Variants in AASS observed in about 807,000 individuals in gnomAD.
AASS encodes alpha-aminoadipic semialdehyde synthase, mitochondrial.
Under a neutral mutation model 105.4 loss-of-function variants are expected in AASS, and 86 were observed. The observed-to-expected ratio is 0.82, with a 90% CI of 0.69 to 0.98. The LOEUF is 0.98. Among genes scored for constraint, AASS ranks in the 50% least tolerant of loss-of-function variants. The probability of loss-of-function intolerance (pLI) is 0.00; values close to 1 mark genes in which losing one functional copy is unlikely to be tolerated. For missense variants in AASS, 1,048 were observed against 1,143.2 expected, an observed-to-expected ratio of 0.92 and a Z score of 1.20; for synonymous variants, 381 against 394.8, an observed-to-expected ratio of 0.96 and a Z score of 0.41.
At chr7:122,082,699 G>A in intron 19 of AASS, 1 of 658,674 alleles carries the variant, frequency 1.5e-6, no homozygotes, top group Non-Finnish European at 2.3e-6. Context: ...CGTCACCACT[G>A]ACGACTAAAC....
chr7:122,091,611 C>A, intron 18 of AASS, 92 bp downstream of exon 18: 1 of 1,586,278 alleles, frequency 6.3e-7, no homozygotes, highest in South Asian at 1.1e-5. Flanking sequence ...GCAGCATCAC[C>A]ATTATTAAAG....
intron 15 of AASS, among the ~76,000 whole-genome samples, chr7:122,095,233 A>G (rs1794094280): frequency 6.6e-6 from 1 of 152,146 alleles, no homozygotes; most frequent in South Asian, 2.1e-4. Flanking sequence ...ATGGCTAAAA[A>G]TCCACATGGT....
chr7:122,093,027 T>A, intron 16 of AASS, 21 bp downstream of exon 16: 2 of 1,611,998 alleles, frequency 1.2e-6, no homozygotes, highest in Non-Finnish European at 1.7e-6. Context: ...ACTCAGTTTG[T>A]TTAAAATGAT....
At chr7:122,085,976 C>T (rs377653883) in intron 19 of AASS, 36 bp downstream of exon 19, 2 of 1,612,138 alleles carry the variant, frequency 1.2e-6, no homozygotes, top group African/African-American at 1.3e-5. Flanking sequence ...TACATCACAA[C>T]TGGCAACATG....
chr7:122,110,654 T>C (rs1485107015), intron 11 of AASS, among the ~76,000 whole-genome samples: 8 of 151,830 alleles, frequency 5.3e-5, no homozygotes, highest in Admixed American at 3.9e-4. Context: ...TATCCAAACC[T>C]GACAAAGACC....
In AASS at chr7:122,098,806, G is replaced by T; in HGVS notation, c.1467C>A (p.Gly489=). 1.9e-6 allele frequency: 3 copies of T among 1,581,794 alleles called. No individual in the cohort carries two copies. Among genetic ancestry groups the T allele is most frequent in the Non-Finnish European group, 2.6e-6 (3 of 1,165,056 alleles). Residue 489 remains glycine, a synonymous_variant, in exon 14 of 24, where the codon GGC becomes GGA. Transcript: ENST00000417368. ...TRRKVLVLGS[G]YISEPVLEYL... is the part of the protein sequence containing the mutation. ...ATTCTAATACAGGCTCAGATATGTA[G>T]CCAGATCCAAGAACCAAAACCTTTC... is the stretch of plus-strand genomic sequence containing the variant.
chr7:122,121,216 T>C (rs1795427927), intron 4 of AASS, among the ~76,000 whole-genome samples: 2 of 152,156 alleles, frequency 1.3e-5, no homozygotes, highest in Admixed American at 6.5e-5. Context: ...TATCTTATTA[T>C]AGTCAACTAT....
intron 13 of AASS, among the ~76,000 whole-genome samples, chr7:122,099,645 TC>T (rs1794333448): frequency 6.6e-6 from 1 of 151,902 alleles, no homozygotes; most frequent in Non-Finnish European, 1.5e-5. Context: ...TGAATCAAAT[TC>T]CCTGTTATCA....
At position 122,099,860 on chromosome 7, in the gene AASS, C is replaced by T. The variant is rs149555960; in HGVS notation, c.1407-994G>A. On this transcript the variant is annotated intron_variant, in intron 13 of 23. Coordinates refer to ENST00000417368, the MANE Select transcript of AASS (RefSeq NM_005763.4). ...ACTGATGTGAAGAGGTCTCATTTAACTACTACCATCTCCCATTTCACCTTC... is the reference window on the plus strand; with the variant it reads ...ACTGATGTGAAGAGGTCTCATTTAATTACTACCATCTCCCATTTCACCTTC... 3.9e-5 allele frequency among the ~76,000 whole-genome samples: 6 copies of T among 152,000 alleles called. No homozygotes were observed. In the East Asian group the frequency reaches 7.7e-4, roughly 20 times the overall value.
intron 11 of AASS, among the ~76,000 whole-genome samples, chr7:122,105,658 T>C (rs1355747782): frequency 6.6e-6 from 1 of 151,838 alleles, no homozygotes; most frequent in East Asian, 1.9e-4. Flanking sequence ...AAAAGGGAAA[T>C]TTAAAAATTT....
At chr7:122,135,960 T>C (rs985761204) in intron 1 of AASS, among the ~76,000 whole-genome samples, 5 of 152,312 alleles carry the variant, frequency 3.3e-5, no homozygotes, top group African/African-American at 9.6e-5. Context: ...CCAACTTCAA[T>C]TGGATTCTAT....
Position 122,091,733 on chromosome 7 carries a change from C to T in AASS, c.1986G>A (p.Met662Ile), listed in dbSNP as rs147035878. The T allele has an allele frequency of 6.2e-7, 1 of 1,604,072 alleles. No homozygotes were observed. The highest frequency in any genetic ancestry group is 8.5e-7 in the Non-Finnish European group (1 of 1,173,994). ...CATCGAGCAGATAGGTGGCAGACTG[C>T]ATTACATTCATCAAAACTCCCACTG... ...WSPVGVLMNV[M>I]QSATYLLDGK... Residue 662 changes from methionine (M) to isoleucine (I), a missense_variant, in exon 18 of 24, where the codon ATG (methionine) becomes ATA (isoleucine). By Grantham distance (10) the Met-to-Ile change is conservative (BLOSUM62 1). Transcript: ENST00000417368.
chr7:122,119,971 T>C (rs1343702476), intron 4 of AASS, among the ~76,000 whole-genome samples: 1 of 152,188 alleles, frequency 6.6e-6, no homozygotes, highest in Non-Finnish European at 1.5e-5. Context: ...CCCATGAATA[T>C]AAGCGGACTC....
intron 2 of AASS, among the ~76,000 whole-genome samples, chr7:122,130,928 T>C (rs1795882431): frequency 1.3e-5 from 2 of 149,484 alleles, no homozygotes; most frequent in African/African-American, 4.9e-5. Flanking sequence ...ATGTTGTTAC[T>C]AAAGAAAGAA....
chr7:122,077,454 G>A (rs566136609), intron 23 of AASS, among the ~76,000 whole-genome samples: 77 of 152,272 alleles, frequency 5.1e-4, no homozygotes, highest in African/African-American at 1.8e-3. Flanking sequence ...AGAAAGGAAG[G>A]AAGTTACCAT....
At chr7:122,082,739 A>G (rs571935557) in intron 19 of AASS, 2 of 993,268 alleles carry the variant, frequency 2.0e-6, no homozygotes, top group Non-Finnish European at 2.8e-6. Context: ...AATAGGTGCT[A>G]GGTTAGAGGA....
intron 3 of AASS, among the ~76,000 whole-genome samples, chr7:122,127,703 G>A (rs1375012639): frequency 2.0e-5 from 3 of 151,988 alleles, no homozygotes; most frequent in African/African-American, 7.3e-5. Context: ...TGCTTTTACT[G>A]TTTATGAACC....
At chr7:122,090,912 C>T (rs922610197) in intron 18 of AASS, among the ~76,000 whole-genome samples, 2 of 152,108 alleles carry the variant, frequency 1.3e-5, no homozygotes, top group African/African-American at 4.8e-5. Flanking sequence ...TCCTCTTCTC[C>T]ACTAGTTTTT....
rs1462854803 is a variant in AASS, at chr7:122,076,147, C to G, written c.*342G>C. On this transcript the variant is annotated 3_prime_UTR_variant, in exon 24 of 24. Coordinates refer to ENST00000417368, the MANE Select transcript of AASS (RefSeq NM_005763.4). ...CGAGATCGCGCCACTGCACTCCAGC[C>G]TGGGTGACAGAGCGAGACTCCATCT... The G allele has an allele frequency of 3.7e-6, 1 of 270,838 alleles. No homozygotes were observed. Among genetic ancestry groups the G allele is most frequent in the African/African-American group, 2.3e-5 (1 of 43,310 alleles). 16.8% of individuals were successfully genotyped at this position (270,838 alleles called of 1,614,324 possible).
Sources: allele counts gnomAD v4.1 joint callset (sites outside exome capture counted in the v4.1 genomes callset), GRCh38; gene constraint gnomAD v4.1.1; transcripts MANE v1.5; gene names NCBI Gene and HGNC (gene_info 2026-07-23, HGNC 2026-07-21).